The following ARID5B variants were observed in gnomAD, a reference collection of about 807,000 sequenced individuals.
ARID5B encodes the protein AT-rich interaction domain 5B.
Under a neutral mutation model 97.2 loss-of-function variants are expected in ARID5B, and 13 were observed. The ratio of observed to expected loss-of-function variants is 0.13; its 90% confidence interval spans 0.09 to 0.21. ARID5B has a LOEUF of 0.21. Among genes scored for constraint, ARID5B ranks in the 10% least tolerant of loss-of-function variants. The pLI is 1.00. For missense variants in ARID5B, 1,210 were observed against 1,465.3 expected (o/e 0.83, Z 2.84); for synonymous variants, 556 against 570.3 (o/e 0.97, Z 0.36).
chr10:62,056,175 C>T (rs1248750934), intron 5 of ARID5B, among the ~76,000 whole-genome samples: 3 of 152,150 alleles, frequency 2.0e-5, no homozygotes, highest in Non-Finnish European at 2.9e-5. Flanking sequence ...TTAGGTTAGC[C>T]GCTCGATATG....
chr10:61,942,159 AT>A (rs747436304), intron 3 of ARID5B, among the ~76,000 whole-genome samples: 4 of 152,220 alleles, frequency 2.6e-5, no homozygotes, highest in Non-Finnish European at 5.9e-5. Flanking sequence ...TATGTTTAAA[AT>A]TGTGTTTAAA....
chr10:62,046,471 G>A (rs1242791117), intron 4 of ARID5B, among the ~76,000 whole-genome samples: 2 of 152,114 alleles, frequency 1.3e-5, no homozygotes, highest in Non-Finnish European at 2.9e-5. Flanking sequence ...TTGCTATATT[G>A]TTGAGAAAAT....
intron 2 of ARID5B, among the ~76,000 whole-genome samples, chr10:61,906,550 T>C (rs572842518): frequency 1.3e-5 from 2 of 152,302 alleles, no homozygotes; most frequent in African/African-American, 4.8e-5. Flanking sequence ...TATAAGAAGG[T>C]TTGCTGGTCA....
At chr10:61,925,765 T>G (rs978796442) in intron 2 of ARID5B, among the ~76,000 whole-genome samples, 1 of 152,224 alleles carries the variant, frequency 6.6e-6, no homozygotes, top group Non-Finnish European at 1.5e-5. Context: ...AGGTTTTAGA[T>G]TAGTGTGTAT....
chr10:62,003,966 C>T (rs931217313), intron 4 of ARID5B, among the ~76,000 whole-genome samples: 7 of 151,978 alleles, frequency 4.6e-5, no homozygotes, highest in African/African-American at 1.7e-4. Flanking sequence ...TTTTATGAAG[C>T]TATTTAATGA....
chr10:62,041,578 T>C (rs1839638326), intron 4 of ARID5B, among the ~76,000 whole-genome samples: 1 of 152,266 alleles, frequency 6.6e-6, no homozygotes, highest in African/African-American at 2.4e-5. Context: ...GTTTCTTATG[T>C]GTATGTCTTT....
chr10:61,999,022 G>A (rs1169950010), intron 3 of ARID5B, among the ~76,000 whole-genome samples: 3 of 152,224 alleles, frequency 2.0e-5, no homozygotes, highest in Non-Finnish European at 4.4e-5. Context: ...CAAAGACAAA[G>A]AGAGATTGTG....
chr10:62,002,502 T>G (rs999824977), intron 4 of ARID5B, among the ~76,000 whole-genome samples: 52 of 152,242 alleles, frequency 3.4e-4, no homozygotes, highest in Non-Finnish European at 1.5e-4. Flanking sequence ...TTACAGACTT[T>G]CATGTTAGTA....
chr10:62,060,105 A>G (rs1414029106), intron 7 of ARID5B, among the ~76,000 whole-genome samples: 2 of 152,216 alleles, frequency 1.3e-5, no homozygotes, highest in Non-Finnish European at 2.9e-5. Context: ...TTGAATAAGA[A>G]CTTATTTTTT....
chr10:61,925,391 T>G (rs1844086270), intron 2 of ARID5B, among the ~76,000 whole-genome samples: 1 of 152,052 alleles, frequency 6.6e-6, no homozygotes. Flanking sequence ...AATGTTTTAA[T>G]GGCCAGAGCT....
At chr10:61,964,517 A>C (rs919533591) in intron 3 of ARID5B, among the ~76,000 whole-genome samples, 3 of 152,230 alleles carry the variant, frequency 2.0e-5, no homozygotes, top group African/African-American at 4.8e-5. Context: ...TTTCATCTGC[A>C]GTGTGAACAT....
At position 62,093,929 on chromosome 10, in the gene ARID5B, A is replaced by G. The variant is rs1840427153; in HGVS notation, c.*899A>G. On this transcript the variant is annotated 3_prime_UTR_variant, in exon 10 of 10. Transcript: ENST00000279873. The stretch of plus-strand genomic sequence containing the variant: ...CCGCAACTTAAGGATTTTGTTCCTC[A>G]TAAATGGCATAGTTGAAAGAGCTTA... The G allele has an allele frequency of 4.3e-6, 1 of 233,590 alleles. No homozygotes were observed. The highest frequency in any genetic ancestry group is 1.8e-4 in the South Asian group (1 of 5,536). The allele number at this position is 233,590 out of a possible 1,614,324, so 14.5% of individuals were successfully genotyped here.
chr10:61,960,678 A>G (rs1298081012), intron 3 of ARID5B, among the ~76,000 whole-genome samples: 8 of 151,422 alleles, frequency 5.3e-5, no homozygotes, highest in African/African-American at 1.9e-4. Flanking sequence ...CCAAGATCTC[A>G]TCTGCCATTT....
At chr10:62,033,524 T>C (rs746099419) in intron 4 of ARID5B, among the ~76,000 whole-genome samples, 36 of 152,224 alleles carry the variant, frequency 2.4e-4, no homozygotes, top group Non-Finnish European at 5.1e-4. Context: ...GTCAAATAAG[T>C]AGCTTTCCTG....
chr10:61,992,390 T>C (rs891695348), intron 3 of ARID5B, among the ~76,000 whole-genome samples: 1 of 152,200 alleles, frequency 6.6e-6, no homozygotes, highest in African/African-American at 2.4e-5. Context: ...TGTTTGGTTA[T>C]AGTTTAGTTT....
chr10:61,987,452 C>G (rs1275695966), intron 3 of ARID5B, among the ~76,000 whole-genome samples: 1 of 152,168 alleles, frequency 6.6e-6, no homozygotes, highest in Non-Finnish European at 1.5e-5. Flanking sequence ...CAAGTAAATG[C>G]AGCCAAGTGT....
intron 7 of ARID5B, among the ~76,000 whole-genome samples, chr10:62,066,066 G>C (rs943251475): frequency 2.0e-5 from 3 of 151,990 alleles, no homozygotes; most frequent in Non-Finnish European, 2.9e-5. Context: ...TATTCCAGAT[G>C]GAATTTTAAA....
intron 2 of ARID5B, among the ~76,000 whole-genome samples, chr10:61,937,441 G>T (rs187569705): frequency 7.9e-5 from 12 of 152,228 alleles, no homozygotes; most frequent in Admixed American, 2.0e-4. Context: ...GACAATGGTA[G>T]AAACTAAATC....
chr10:62,065,955 G>A lies in ARID5B; in HGVS notation c.1102-3745G>A, dbSNP rs115199061. 3.6e-3 allele frequency among the ~76,000 whole-genome samples: 549 copies of A among 152,008 alleles called. 2 individuals carry two copies. The highest frequency in any genetic ancestry group is 0.014 in the Middle Eastern group (4 of 292). Reference sequence around the variant, plus strand: ...AACACAAATTATAACCAGGAGGCCTGAGGCTTAGTGAGAGAGTTGATCAAA... The same window carrying A: ...AACACAAATTATAACCAGGAGGCCTAAGGCTTAGTGAGAGAGTTGATCAAA... On this transcript the variant is annotated intron_variant, in intron 7 of 9. Coordinates refer to ENST00000279873, the MANE Select transcript of ARID5B (RefSeq NM_032199.3).
Sources: gnomAD v4.1 joint callset for allele counts (sites outside exome capture counted in the v4.1 genomes callset) on GRCh38, gnomAD v4.1.1 for gene constraint, MANE v1.5 for transcripts, NCBI Gene and HGNC (gene_info 2026-07-23, HGNC 2026-07-21) for gene names.